Variants in FMN2 observed in about 807,000 individuals in gnomAD.
The protein encoded by FMN2 is formin 2.
FMN2 carries 51 observed loss-of-function variants against 142.3 expected under a neutral mutation model. The ratio of observed to expected loss-of-function variants is 0.36; its 90% CI spans 0.29 to 0.45. FMN2 has a LOEUF of 0.45. Among genes scored for constraint, FMN2 ranks in the 20% least tolerant of loss-of-function variants. The pLI, the probability that FMN2 is intolerant of heterozygous loss-of-function variation, is 1.00. For missense variants in FMN2, 1,936 were observed against 2,122.8 expected (o/e 0.91, Z 1.73); for synonymous variants, 882 against 869.8 (o/e 1.01, Z -0.25).
chr1:240,133,267 A>T (rs1389616360), intron 2 of FMN2, among the ~76,000 whole-genome samples: 1 of 152,076 alleles, frequency 6.6e-6, no homozygotes, highest in Non-Finnish European at 1.5e-5. Context: ...CCTGGGCTCA[A>T]CCGTTCCTCT....
chr1:240,184,109 G>A (rs1013989437), intron 3 of FMN2, among the ~76,000 whole-genome samples: 4 of 151,850 alleles, frequency 2.6e-5, no homozygotes, highest in Non-Finnish European at 5.9e-5. Context: ...GTTTTGTTTC[G>A]TGAGTGAAAG....
chr1:240,145,990 C>CA (rs1663448897), intron 2 of FMN2, among the ~76,000 whole-genome samples: 1 of 152,008 alleles, frequency 6.6e-6, no homozygotes, highest in Non-Finnish European at 1.5e-5. Flanking sequence ...TTGAGGGTGA[C>CA]ATCTGTTGGT....
chr1:240,252,325 C>T (rs1387230788), intron 6 of FMN2, among the ~76,000 whole-genome samples: 3 of 151,936 alleles, frequency 2.0e-5, no homozygotes, highest in African/African-American at 7.3e-5. Context: ...CTTCCTCTTC[C>T]TTATTTGTGC....
At chr1:240,219,112 G>A (rs541219627) in intron 6 of FMN2, among the ~76,000 whole-genome samples, 5 of 152,248 alleles carry the variant, frequency 3.3e-5, no homozygotes, top group South Asian at 2.1e-4. Context: ...CCTGGCTTGC[G>A]TGCTTCTGTC....
chr1:240,233,705 C>T (rs995262545), intron 6 of FMN2, among the ~76,000 whole-genome samples: 4 of 151,846 alleles, frequency 2.6e-5, no homozygotes. Context: ...ATTAGTAGGA[C>T]CTTACAAAGA....
At chr1:240,439,270 C>CAAA (rs58234038) in intron 16 of FMN2, among the ~76,000 whole-genome samples, 23 of 101,266 alleles carry the variant, frequency 2.3e-4, no homozygotes, top group African/African-American at 9.9e-4. Flanking sequence ...AAGGCTGTCT[C>CAAA]AAAAAAAAAA....
intron 16 of FMN2, among the ~76,000 whole-genome samples, chr1:240,439,256 G>C (rs1675515623): frequency 2.4e-5 from 2 of 83,118 alleles, no homozygotes; most frequent in African/African-American, 8.4e-5. Context: ...CTGGACAACA[G>C]AGCAAGGCTG....
chr1:240,111,648 A>T (rs762990275), intron 1 of FMN2, among the ~76,000 whole-genome samples: 22 of 152,054 alleles, frequency 1.4e-4, no homozygotes, highest in Non-Finnish European at 3.2e-4. Context: ...CTGTCTTATC[A>T]GCCTTATCAG....
rs16839458 is a variant in FMN2, at chr1:240,141,808, A to T, written c.1782+18463A>T. Among the ~76,000 whole-genome samples, 1,505 of 152,288 alleles carry T rather than the reference A, an allele frequency of 9.9e-3. 24 individuals are homozygous for T. The highest frequency in any genetic ancestry group is 0.035 in the African/African-American group (1,439 of 41,556). On this transcript the variant is annotated intron_variant, in intron 2 of 17. Coordinates refer to ENST00000319653, the MANE Select transcript of FMN2 (RefSeq NM_020066.5). The stretch of plus-strand genomic sequence containing the variant: ...GGATTTCACTATTTACTCTTAGGAC[A>T]GGAGAGAATGTGTCTATGTGGCACG...
chr1:240,189,642 A>G (rs138264260), intron 4 of FMN2, among the ~76,000 whole-genome samples: 65 of 152,348 alleles, frequency 4.3e-4, no homozygotes, highest in African/African-American at 1.6e-3. Context: ...AGCTATCCTT[A>G]AGGACAGTTC....
At chr1:240,409,896 T>C (rs1674338956) in intron 15 of FMN2, among the ~76,000 whole-genome samples, 1 of 152,176 alleles carries the variant, frequency 6.6e-6, no homozygotes, top group African/African-American at 2.4e-5. Flanking sequence ...GTACTAGCAG[T>C]GTGAGGACAT....
At chr1:240,123,067 C>A (rs1345221588) in intron 1 of FMN2, 112 bp from the exon 2 acceptor site, 3 of 1,186,286 alleles carry the variant, frequency 2.5e-6, no homozygotes, top group African/African-American at 1.5e-5. Context: ...CTGTCAGTAG[C>A]CTTGGAAACG....
At chr1:240,385,043 G>T (rs1572253826) in intron 14 of FMN2, among the ~76,000 whole-genome samples, 1 of 152,228 alleles carries the variant, frequency 6.6e-6, no homozygotes, top group Non-Finnish European at 1.5e-5. Context: ...TTCAAATGTT[G>T]ACTGAAATAT....
At chr1:240,184,597 G>C (rs1480378727) in intron 3 of FMN2, among the ~76,000 whole-genome samples, 2 of 142,014 alleles carry the variant, frequency 1.4e-5, no homozygotes, top group Non-Finnish European at 3.0e-5. Flanking sequence ...CATTTTAAAT[G>C]TACCCTTGAG....
rs1672404615 is a variant in FMN2, at chr1:240,359,934, C to G, written c.4858+4026C>G. Among the ~76,000 whole-genome samples, 5 of 152,306 alleles carry G rather than the reference C, an allele frequency of 3.3e-5. No individual in the cohort carries two copies. In the South Asian group the frequency reaches 1.0e-3, roughly 32 times the overall value. ...CCGTACCCCTGTACCTAGAACAATG[C>G]ACAGTATAGCATACACTGTCTTGCT... On this transcript the variant is annotated intron_variant, in intron 14 of 17. Coordinates refer to ENST00000319653, the MANE Select transcript of FMN2 (RefSeq NM_020066.5).
At chr1:240,154,107 C>CAAAAAA (rs3047182) in intron 2 of FMN2, among the ~76,000 whole-genome samples, 21 of 55,008 alleles carry the variant, frequency 3.8e-4, no homozygotes, top group African/African-American at 6.7e-4. Flanking sequence ...GAGATTCCAT[C>CAAAAAA]AAAAAAAAAA....
chr1:240,177,886 A>T (rs773399468), intron 2 of FMN2, 35 bp from the exon 3 acceptor site: 1 of 1,511,520 alleles, frequency 6.6e-7, no homozygotes. Flanking sequence ...TAACTGAATT[A>T]ATAGCATTTC....
At chr1:240,268,384 A>G (rs567109884) in intron 7 of FMN2, among the ~76,000 whole-genome samples, 4 of 152,224 alleles carry the variant, frequency 2.6e-5, no homozygotes, top group Non-Finnish European at 5.9e-5. Context: ...GTTGAGCATG[A>G]CTACATGTTT....
intron 4 of FMN2, among the ~76,000 whole-genome samples, chr1:240,204,249 A>C (rs151082304): frequency 9.9e-5 from 15 of 152,270 alleles, no homozygotes; most frequent in Non-Finnish European, 1.0e-4. Flanking sequence ...CAGCAAGTTA[A>C]ATGTTGTAGC....
Sources: allele counts gnomAD v4.1 joint callset (sites outside exome capture counted in the v4.1 genomes callset), GRCh38; gene constraint gnomAD v4.1.1; transcripts MANE v1.5; gene names NCBI Gene and HGNC (gene_info 2026-07-23, HGNC 2026-07-21).